Variants in CFAP97 observed in about 807,000 individuals in gnomAD.
The protein encoded by CFAP97 is cilia- and flagella-associated protein 97.
In CFAP97, 36 loss-of-function variants were observed where a neutral mutation model predicts 43.1. The ratio of observed to expected loss-of-function variants is 0.84; its 90% CI spans 0.64 to 1.10. The LOEUF is 1.10. Among genes scored for constraint, CFAP97 ranks in the 50% least tolerant of loss-of-function variants. The pLI is 0.00. For missense variants in CFAP97, 657 were observed against 620.3 expected (o/e 1.06, Z -0.63); for synonymous variants, 228 against 225.7 (o/e 1.01, Z -0.09).
At chr4:185,196,435 C>A (rs1736548326) in intron 1 of CFAP97, among the ~76,000 whole-genome samples, 1 of 150,806 alleles carries the variant, frequency 6.6e-6, no homozygotes, top group Non-Finnish European at 1.5e-5. Flanking sequence ...GATCATGCTT[C>A]CAGCCTGGGG....
upstream of CFAP97, among the ~76,000 whole-genome samples, chr4:185,206,342 A>AT (rs958956371): frequency 6.6e-5 from 10 of 152,224 alleles, no homozygotes; most frequent in Non-Finnish European, 1.3e-4. Flanking sequence ...TCTGGTCCAC[A>AT]TAACAACATT....
upstream of CFAP97, among the ~76,000 whole-genome samples, chr4:185,207,256 G>C (rs183492739): frequency 2.4e-4 from 28 of 118,728 alleles, no homozygotes; most frequent in Non-Finnish European, 4.0e-4. Context: ...TCTCGCTGTC[G>C]CCCAGGCTGG....
intron 1 of CFAP97, among the ~76,000 whole-genome samples, chr4:185,191,574 G>A (rs1310963968): frequency 6.6e-6 from 1 of 152,240 alleles, no homozygotes; most frequent in East Asian, 1.9e-4. Flanking sequence ...GCTCATGCCT[G>A]TAATCCCAGC....
Position 185,190,396 on chromosome 4 carries a change from C to G in CFAP97, c.801G>C (p.Gln267His). The G allele has an allele frequency of 1.9e-6, 3 of 1,612,570 alleles. No individual in the cohort carries two copies. The South Asian group carries it at 3.3e-5, about 18-fold the overall frequency. Residue 267 changes from glutamine to histidine, a missense_variant, in exon 2 of 5, where the codon CAG becomes CAC. Physicochemically the swap from Gln to His is conservative, Grantham distance 24. Transcript: ENST00000458385. The part of the protein sequence containing the change: ...PLSTPDISPL[Q>H]SFELGIANDQ... ...CATTTGCTATGCCCAGTTCAAAAGA[C>G]TGAAGAGGGCTAATGTCTGGAGTTG...
At chr4:185,180,067 C>T (rs11132282) in intron 2 of CFAP97, among the ~76,000 whole-genome samples, 70,071 of 151,964 alleles carry the variant, frequency 0.46, 16,214 homozygotes, top group Middle Eastern at 0.56. Context: ...ATAAGTTTTA[C>T]TTTCTCCTTG....
intron 2 of CFAP97, among the ~76,000 whole-genome samples, chr4:185,180,721 T>C (rs1055996087): frequency 4.6e-5 from 7 of 152,102 alleles, no homozygotes; most frequent in African/African-American, 1.7e-4. Flanking sequence ...TAACTGAAGT[T>C]TTGTTACTGT....
intron 2 of CFAP97, among the ~76,000 whole-genome samples, chr4:185,189,465 GTT>G (rs1736137170): frequency 6.6e-6 from 1 of 152,068 alleles, no homozygotes; most frequent in East Asian, 1.9e-4. Flanking sequence ...AGTATTATTA[GTT>G]CTATTAACTA....
chr4:185,189,026 C>T (rs766617324), intron 2 of CFAP97, among the ~76,000 whole-genome samples: 11 of 152,118 alleles, frequency 7.2e-5, no homozygotes, highest in Non-Finnish European at 1.3e-4. Flanking sequence ...TTGCTTGAGG[C>T]CAGGAGTTCG....
chr4:185,195,245 TAG>T (rs796630686), intron 1 of CFAP97, among the ~76,000 whole-genome samples: 25 of 152,266 alleles, frequency 1.6e-4, no homozygotes, highest in African/African-American at 5.8e-4. Context: ...TCTCAGCAGT[TAG>T]GGAGGCCAAG....
chr4:185,172,931 T>C (rs768377840), intron 3 of CFAP97, among the ~76,000 whole-genome samples: 9 of 151,876 alleles, frequency 5.9e-5, no homozygotes, highest in African/African-American at 2.2e-4. Flanking sequence ...ATGAGAAGGC[T>C]TGCAGTATGG....
At chr4:185,188,042 G>A (rs559665551) in intron 2 of CFAP97, among the ~76,000 whole-genome samples, 12 of 151,902 alleles carry the variant, frequency 7.9e-5, no homozygotes, top group African/African-American at 2.4e-4. Context: ...GACTATAGGC[G>A]CCTGCCACCA....
At chr4:185,195,713 C>T (rs984020542) in intron 1 of CFAP97, among the ~76,000 whole-genome samples, 1 of 152,148 alleles carries the variant, frequency 6.6e-6, no homozygotes, top group Non-Finnish European at 1.5e-5. Context: ...GATCTTGAGT[C>T]ATCACAAACG....
intron 1 of CFAP97, among the ~76,000 whole-genome samples, chr4:185,200,719 T>C (rs1451862663): frequency 6.6e-6 from 1 of 151,446 alleles, no homozygotes; most frequent in Non-Finnish European, 1.5e-5. Context: ...CTGGGGAGGT[T>C]GAGGCTGCAA....
chr4:185,160,318 C>T lies in CFAP97; in HGVS notation c.*2480G>A, dbSNP rs567951249. The T allele has an allele frequency of 2.0e-5, 3 of 152,004 alleles. No individual in the cohort carries two copies. The highest frequency in any genetic ancestry group is 4.8e-5 in the African/African-American group (2 of 41,390). The allele number at this position is 152,004 out of a possible 1,614,324, so 9.4% of individuals were successfully genotyped here. On this transcript the variant is annotated 3_prime_UTR_variant, in exon 5 of 5. Transcript: ENST00000458385. ...AATAACCAGACCTCGGATTAGCATA[C>T]TTTCTAGTTATAGATGTAAATCTTC...
intron 1 of CFAP97, among the ~76,000 whole-genome samples, chr4:185,196,423 G>A (rs1435838301): frequency 6.7e-6 from 1 of 150,258 alleles, no homozygotes; most frequent in Non-Finnish European, 1.5e-5. Context: ...GCAGTGAGCT[G>A]AGATCATGCT....
intron 1 of CFAP97, among the ~76,000 whole-genome samples, chr4:185,196,564 A>T (rs1314258995): frequency 6.6e-6 from 1 of 152,120 alleles, no homozygotes; most frequent in Non-Finnish European, 1.5e-5. Context: ...CTAGGCCTTG[A>T]TGTAAAACCA....
Position 185,201,049 on chromosome 4 carries a change from T to C in CFAP97, c.-17+2849A>G, listed in dbSNP as rs1030748504. ...AAAGAAGTTCTACTGTGAGGCTCGGTGCTGTGGCTCACGCCTGTAATCCCA... is the reference window on the plus strand; with the variant it reads ...AAAGAAGTTCTACTGTGAGGCTCGGCGCTGTGGCTCACGCCTGTAATCCCA... On this transcript the variant is annotated intron_variant, in intron 1 of 4. Transcript: ENST00000458385. Among the ~76,000 whole-genome samples the C allele has an allele frequency of 1.4e-4, 22 of 152,090 alleles. 1 individual carries two copies. In the Middle Eastern group the frequency reaches 0.017, roughly 118 times the overall value.
At chr4:185,175,662 A>G in intron 3 of CFAP97, 124 bp downstream of exon 3, 1 of 831,876 alleles carries the variant, frequency 1.2e-6, no homozygotes, top group Non-Finnish European at 1.9e-6. Context: ...CATACCACAC[A>G]TACCGCACCT....
At chr4:185,186,998 C>T (rs549208571) in intron 2 of CFAP97, among the ~76,000 whole-genome samples, 8 of 152,242 alleles carry the variant, frequency 5.3e-5, no homozygotes, top group Admixed American at 2.0e-4. Context: ...CCTAGCGAAT[C>T]GTATGCTCTA....
Sources: allele counts gnomAD v4.1 joint callset (sites outside exome capture counted in the v4.1 genomes callset), GRCh38; gene constraint gnomAD v4.1.1; transcripts MANE v1.5; gene names NCBI Gene and HGNC (gene_info 2026-07-23, HGNC 2026-07-21).